The following SERTAD2 variants were observed in gnomAD, a reference collection of about 807,000 sequenced individuals.
SERTAD2 encodes SERTA domain containing 2.
Under a neutral mutation model 15.4 loss-of-function variants are expected in SERTAD2, and 2 were observed. The ratio of observed to expected loss-of-function variants is 0.13; its 90% CI spans 0.05 to 0.41. SERTAD2 has a LOEUF of 0.41. Ranked by LOEUF, SERTAD2 falls within the 10% of genes least tolerant of loss-of-function variation. SERTAD2 has a pLI of 0.99. For synonymous variants in SERTAD2, 180 were observed against 178.0 expected, an observed-to-expected ratio of 1.01 and a Z score of -0.09; for missense variants, 333 against 409.7, an observed-to-expected ratio of 0.81 and a Z score of 1.62.
rs1029850227 is a variant in SERTAD2 at position 64,635,663 on chromosome 2, T to C, written c.*264A>G. 21 of 383,386 alleles carry C rather than the reference T, an allele frequency of 5.5e-5. No homozygotes were observed. The highest frequency in any genetic ancestry group is 4.9e-4 in the East Asian group (12 of 24,382). The allele number at this position is 383,386 out of a possible 1,614,324, so 23.7% of individuals were successfully genotyped here. On this transcript the variant is annotated 3_prime_UTR_variant, in exon 2 of 2. Transcript: ENST00000313349. ...AACTGTTTATTTTTGTCATTCAACATTGCAACATTGTCTTCAAATGGATTC... is the reference window on the plus strand; with the variant it reads ...AACTGTTTATTTTTGTCATTCAACACTGCAACATTGTCTTCAAATGGATTC...
Position 64,636,126 on chromosome 2 carries a change from G to A in SERTAD2, c.746C>T (p.Ala249Val). 3 of 1,614,206 alleles carry A rather than the reference G, an allele frequency of 1.9e-6. No individual in the cohort carries two copies. Among genetic ancestry groups the A allele is most frequent in the Non-Finnish European group, 2.5e-6 (3 of 1,180,038 alleles). ...ATCATACATGGACGTATCAATGTCAGCAAACAGGATGTCATCCAGGGTCAA... is the reference window on the plus strand; with the variant it reads ...ATCATACATGGACGTATCAATGTCAACAAACAGGATGTCATCCAGGGTCAA... ...TDLTLDDILF[A>V]DIDTSMYDFD... Residue 249 changes from alanine (A) to valine (V), a missense_variant, in exon 2 of 2, where the codon GCT (alanine) becomes GTT (valine). Coordinates refer to ENST00000313349, the MANE Select transcript of SERTAD2 (RefSeq NM_014755.3).
intron 1 of SERTAD2, among the ~76,000 whole-genome samples, chr2:64,642,968 G>T (rs1321633339): frequency 1.3e-5 from 2 of 152,090 alleles, no homozygotes; most frequent in African/African-American, 4.8e-5. Flanking sequence ...GCCACAAAAT[G>T]ACTTTAAAAG....
Position 64,653,843 on chromosome 2 carries a change from G to C in SERTAD2, c.-228C>G, listed in dbSNP as rs1199719160. On this transcript the variant is annotated 5_prime_UTR_variant, in exon 1 of 2. Coordinates refer to ENST00000313349, the MANE Select transcript of SERTAD2 (RefSeq NM_014755.3). ...GCGGCAGGCAGCGGAGGAGGAAGCAGGAGGCGGGCGGAGGGGGCGCCCTGA... is the reference window on the plus strand; with the variant it reads ...GCGGCAGGCAGCGGAGGAGGAAGCACGAGGCGGGCGGAGGGGGCGCCCTGA... 1 of 153,174 alleles carries C rather than the reference G, an allele frequency of 6.5e-6. No individual in the cohort carries two copies. Among genetic ancestry groups the C allele is most frequent in the Non-Finnish European group, 1.5e-5 (1 of 68,920 alleles). 9.5% of individuals were successfully genotyped at this position (153,174 alleles called of 1,614,324 possible).
At chr2:64,638,284 C>T (rs1194774840) in intron 1 of SERTAD2, among the ~76,000 whole-genome samples, 3 of 152,150 alleles carry the variant, frequency 2.0e-5, no homozygotes, top group Admixed American at 6.5e-5. Context: ...CCTTTAATAA[C>T]TTATCCACAT....
chr2:64,639,215 T>C (rs1674720727), intron 1 of SERTAD2, among the ~76,000 whole-genome samples: 1 of 152,234 alleles, frequency 6.6e-6, no homozygotes, highest in African/African-American at 2.4e-5. Context: ...TGGCCACAGA[T>C]GGTGCCTGTC....
At chr2:64,651,869 A>G (rs1675019014) in intron 1 of SERTAD2, among the ~76,000 whole-genome samples, 1 of 152,132 alleles carries the variant, frequency 6.6e-6, no homozygotes, top group African/African-American at 2.4e-5. Context: ...TGTCTGAATG[A>G]AGTAAGGAAA....
Position 64,636,395 on chromosome 2 carries a change from A to G in SERTAD2, c.477T>C (p.Pro159=), listed in dbSNP as rs767567610. ...TGTCCTTTTCTGGCAAGAGGGCTGG[A>G]GGTGACAGTTTGGTGGGAGCCGTGG... The part of the protein sequence containing the change: ...MQPTAPTKLS[P]PALLPEKDSF... The change falls in exon 2 of 2, where the codon CCT becomes CCC. Residue 159 remains proline (P), a synonymous_variant. Transcript: ENST00000313349. 1 of 1,614,190 alleles carries G rather than the reference A, an allele frequency of 6.2e-7. No individual in the cohort carries two copies. The highest frequency in any genetic ancestry group is 8.5e-7 in the Non-Finnish European group (1 of 1,180,028).
intron 1 of SERTAD2, among the ~76,000 whole-genome samples, chr2:64,643,886 A>G (rs1057409444): frequency 1.3e-5 from 2 of 151,734 alleles, no homozygotes; most frequent in Non-Finnish European, 2.9e-5. Flanking sequence ...AAACAAAACA[A>G]AACAAAAAAA....
rs1411237847 is a variant in SERTAD2 at position 64,635,702 on chromosome 2, G to C, written c.*225C>G. ...TCAAATGGATTCTTTCCTATACCAG[G>C]GTAGTAGGTCTCTGAGGAACCACTC... is the stretch of plus-strand genomic sequence containing the variant. On this transcript the variant is annotated 3_prime_UTR_variant, in exon 2 of 2. Transcript: ENST00000313349. 2.0e-6 allele frequency: 1 copy of C among 491,518 alleles called. No individual in the cohort carries two copies. Among genetic ancestry groups the C allele is most frequent in the Non-Finnish European group, 3.6e-6 (1 of 275,318 alleles). 30.4% of individuals were successfully genotyped at this position (491,518 alleles called of 1,614,324 possible).
At chr2:64,646,148 C>G (rs971122256) in intron 1 of SERTAD2, among the ~76,000 whole-genome samples, 4 of 24,140 alleles carry the variant, frequency 1.7e-4, no homozygotes, top group Non-Finnish European at 2.5e-4. Flanking sequence ...AACAAACAAA[C>G]AAAAAAAAAC....
At chr2:64,644,406 G>A (rs1259018951) in intron 1 of SERTAD2, among the ~76,000 whole-genome samples, 1 of 152,286 alleles carries the variant, frequency 6.6e-6, no homozygotes, top group East Asian at 1.9e-4. Context: ...CATCCAAGTG[G>A]GAGAGCCTCT....
At chr2:64,651,219 C>G (rs779087451) in intron 1 of SERTAD2, among the ~76,000 whole-genome samples, 11 of 152,128 alleles carry the variant, frequency 7.2e-5, no homozygotes, top group Non-Finnish European at 1.3e-4. Flanking sequence ...CAAGAAACCA[C>G]AGCAAAAGAA....
At chr2:64,639,598 T>C (rs1297089819) in intron 1 of SERTAD2, among the ~76,000 whole-genome samples, 12 of 152,064 alleles carry the variant, frequency 7.9e-5, no homozygotes, top group Admixed American at 5.2e-4. Context: ...AGACTCTTCT[T>C]ACAGTCATCA....
chr2:64,631,900 C>A lies in SERTAD2; in HGVS notation c.*4027G>T, dbSNP rs935465270. On this transcript the variant is annotated 3_prime_UTR_variant, in exon 2 of 2. Coordinates refer to ENST00000313349, the MANE Select transcript of SERTAD2 (RefSeq NM_014755.3). ...ATCTTTTTTCAAAATCTCGGTCATGCGCACATATGGCCTGCATTTCTCTTC... is the reference window on the plus strand; with the variant it reads ...ATCTTTTTTCAAAATCTCGGTCATGAGCACATATGGCCTGCATTTCTCTTC... The A allele has an allele frequency of 6.6e-6, 1 of 152,598 alleles. No homozygotes were observed. The highest frequency in any genetic ancestry group is 2.4e-5 in the African/African-American group (1 of 41,416). The allele number at this position is 152,598 out of a possible 1,614,324, so 9.5% of individuals were successfully genotyped here. A position where few individuals can be genotyped will look rare whatever the true frequency, so the allele number is the denominator to read the frequency against.
At chr2:64,642,427 A>G (rs1316864792) in intron 1 of SERTAD2, among the ~76,000 whole-genome samples, 1 of 152,142 alleles carries the variant, frequency 6.6e-6, no homozygotes, top group Non-Finnish European at 1.5e-5. Context: ...AATGCAAACA[A>G]TTTTTTTGAA....
intron 1 of SERTAD2, among the ~76,000 whole-genome samples, chr2:64,638,329 G>A (rs1345164582): frequency 2.0e-5 from 3 of 152,218 alleles, no homozygotes; most frequent in Non-Finnish European, 4.4e-5. Context: ...AGGCCCAGTG[G>A]GGAGTCCCAC....
At position 64,635,685 on chromosome 2, in the gene SERTAD2, A is replaced by G. The variant is rs1674642248; in HGVS notation, c.*242T>C. 1 of 431,484 alleles carries G rather than the reference A, an allele frequency of 2.3e-6. No homozygotes were observed. Among genetic ancestry groups the G allele is most frequent in the African/African-American group, 1.9e-5 (1 of 51,548 alleles). The allele number at this position is 431,484 out of a possible 1,614,324, so 26.7% of individuals were successfully genotyped here. ...ACATTGCAACATTGTCTTCAAATGG[A>G]TTCTTTCCTATACCAGGGTAGTAGG... On this transcript the variant is annotated 3_prime_UTR_variant, in exon 2 of 2. Transcript: ENST00000313349.
intron 1 of SERTAD2, among the ~76,000 whole-genome samples, chr2:64,643,939 T>C (rs1674837502): frequency 6.6e-6 from 1 of 152,096 alleles, no homozygotes; most frequent in Non-Finnish European, 1.5e-5. Context: ...CACTGTCCCA[T>C]ATGGCTGCTG....
intron 1 of SERTAD2, among the ~76,000 whole-genome samples, chr2:64,640,056 G>A (rs1477036): frequency 0.89 from 135,751 of 152,242 alleles, 60,610 homozygotes; most frequent in East Asian, 0.92. Flanking sequence ...CCATTTCTCT[G>A]TTTTGTATTA....
Sources: gnomAD v4.1 joint callset for allele counts (sites outside exome capture counted in the v4.1 genomes callset) on GRCh38, gnomAD v4.1.1 for gene constraint, MANE v1.5 for transcripts, NCBI Gene and HGNC (gene_info 2026-07-23, HGNC 2026-07-21) for gene names.